ESRRB: variants seen among roughly 807,000 people sequenced by gnomAD.
ESRRB encodes steroid hormone receptor ERR2.
In ESRRB, 16 loss-of-function variants were observed where a neutral mutation model predicts 46.0. The observed-to-expected ratio is 0.35, with a 90% CI of 0.24 to 0.53. The LOEUF (loss-of-function observed/expected upper bound fraction) is 0.53, where lower values mean the gene tolerates loss of function less well. Among genes scored for constraint, ESRRB ranks in the 20% least tolerant of loss-of-function variants. The pLI, the probability that ESRRB is intolerant of heterozygous loss-of-function variation, is 0.93. For missense variants in ESRRB, 488 were observed against 607.4 expected (o/e 0.80, Z 2.07); for synonymous variants, 246 against 259.6 (o/e 0.95, Z 0.50).
intron 1 of ESRRB, among the ~76,000 whole-genome samples, chr14:76,425,338 G>GCCTCCTGAACTAGGGATCTC (rs1273640528): frequency 2.6e-5 from 4 of 151,984 alleles, no homozygotes; most frequent in African/African-American, 9.7e-5. Context: ...GTAAATATTT[G>GCCTCCTGAACTAGGGATCTC]CCTCCTGAAC....
chr14:76,498,124 C>A, intron 6 of ESRRB, 90 bp from the exon 7 acceptor site: 1 of 1,496,122 alleles, frequency 6.7e-7, no homozygotes, highest in Non-Finnish European at 9.3e-7. Context: ...CCCTGCCTGC[C>A]TCCATGCTGC....
intron 1 of ESRRB, among the ~76,000 whole-genome samples, chr14:76,340,004 C>G (rs986635657): frequency 6.6e-6 from 1 of 151,982 alleles, no homozygotes; most frequent in Non-Finnish European, 1.5e-5. Context: ...TAGACACGTC[C>G]GAGAGGGCAG....
chr14:76,422,440 T>C (rs1887008301), intron 1 of ESRRB, among the ~76,000 whole-genome samples: 1 of 152,026 alleles, frequency 6.6e-6, no homozygotes, highest in Non-Finnish European at 1.5e-5. Flanking sequence ...CTCGATCTCC[T>C]GACCTCATGA....
chr14:76,489,445 C>CCCCACACACACA (rs1555344592), intron 5 of ESRRB, among the ~76,000 whole-genome samples: 6 of 129,598 alleles, frequency 4.6e-5, no homozygotes, highest in African/African-American at 1.5e-4. Flanking sequence ...ATCTGGACAA[C>CCCCACACACACA]CACACACACA....
chr14:76,466,272 C>T (rs1293522676), intron 3 of ESRRB, among the ~76,000 whole-genome samples: 1 of 152,144 alleles, frequency 6.6e-6, no homozygotes, highest in Non-Finnish European at 1.5e-5. Flanking sequence ...CACGTCTGAA[C>T]ACCACCCTCC....
At chr14:76,392,861 A>C (rs1595074047) in intron 1 of ESRRB, among the ~76,000 whole-genome samples, 1 of 152,118 alleles carries the variant, frequency 6.6e-6, no homozygotes, top group Admixed American at 6.5e-5. Flanking sequence ...GGGCAGGCCC[A>C]CCTCCTTGCT....
chr14:76,498,543 C>G lies in ESRRB; in HGVS notation c.*85C>G, dbSNP rs1399131414. The G allele has an allele frequency of 6.2e-7, 1 of 1,605,422 alleles. No individual in the cohort carries two copies. Among genetic ancestry groups the G allele is most frequent in the African/African-American group, 1.3e-5 (1 of 74,678 alleles). ...AGACCTCCACAGCCACCAGCCTCCA[C>G]CTTCAACCCCTGTATCATGGCTCTG... is the stretch of plus-strand genomic sequence containing the variant. On this transcript the variant is annotated 3_prime_UTR_variant, in exon 7 of 7. Transcript: ENST00000644823.
chr14:76,499,066 T>C lies in ESRRB; in HGVS notation c.*608T>C. On this transcript the variant is annotated 3_prime_UTR_variant, in exon 7 of 7. Coordinates refer to ENST00000644823, the MANE Select transcript of ESRRB (RefSeq NM_001379180.1). ...GAGCAGCGGCTAGAGCTCAAGTGCT[T>C]CCTGGGCACCCCACCCCTCGGGGCC... 3.0e-6 allele frequency: 1 copy of C among 337,640 alleles called. No individual in the cohort carries two copies. Among genetic ancestry groups the C allele is most frequent in the Non-Finnish European group, 5.9e-6 (1 of 170,496 alleles). 20.9% of individuals were successfully genotyped at this position (337,640 alleles called of 1,614,324 possible).
At chr14:76,468,044 G>T (rs956968912) in intron 3 of ESRRB, among the ~76,000 whole-genome samples, 2 of 152,142 alleles carry the variant, frequency 1.3e-5, no homozygotes, top group Admixed American at 6.5e-5. Flanking sequence ...GAAGGTGGAG[G>T]GCTCCTCCGG....
Position 76,462,661 on chromosome 14 carries a change from G to C in ESRRB, c.577G>C (p.Gly193Arg). 6.2e-7 allele frequency: 1 copy of C among 1,609,164 alleles called. No individual in the cohort carries two copies. The highest frequency in any genetic ancestry group is 8.5e-7 in the Non-Finnish European group (1 of 1,175,610). Residue 193 changes from glycine to arginine, a missense_variant and splice_region_variant, in exon 3 of 7, where the codon GGT becomes CGT. Coordinates refer to ENST00000644823, the MANE Select transcript of ESRRB (RefSeq NM_001379180.1). Reference sequence around the variant, plus strand: ...CCTCAAAGTGGGGATGCTGAAGGAAGGTAAGAGACCCCACCGAGTCGGGGT... The same window carrying C: ...CCTCAAAGTGGGGATGCTGAAGGAACGTAAGAGACCCCACCGAGTCGGGGT... ...KCLKVGMLKE[G>R]VRLDRVRGGR...
intron 1 of ESRRB, among the ~76,000 whole-genome samples, chr14:76,312,589 G>A (rs1883751875): frequency 6.6e-6 from 1 of 151,188 alleles, no homozygotes; most frequent in Non-Finnish European, 1.5e-5. Flanking sequence ...AGACGGTGAA[G>A]TCTAAGAACT....
chr14:76,393,483 G>A (rs1218508535), intron 1 of ESRRB, among the ~76,000 whole-genome samples: 1 of 152,170 alleles, frequency 6.6e-6, no homozygotes, highest in Non-Finnish European at 1.5e-5. Flanking sequence ...TGTATTTTAT[G>A]TTAAAAATTT....
intron 5 of ESRRB, among the ~76,000 whole-genome samples, chr14:76,487,039 C>T (rs2140041402): frequency 6.6e-6 from 1 of 152,306 alleles, no homozygotes; most frequent in East Asian, 1.9e-4. Flanking sequence ...CCAAATTCCC[C>T]ATCCTAACCT....
Position 76,500,348 on chromosome 14 carries a change from CCGTTACCCAGGAT to C in ESRRB, c.*1891_*1903del. On this transcript the variant is annotated 3_prime_UTR_variant, in exon 7 of 7. Coordinates refer to ENST00000644823, the MANE Select transcript of ESRRB (RefSeq NM_001379180.1). ...GTCACTTGATGAGTAGGCACTGGAG[CCGTTACCCAGGAT>C]GCTGCGGCCCTAGCCCTCCATGCAG... 1.7e-6 allele frequency: 1 copy of C among 585,232 alleles called. No individual in the cohort carries two copies. The allele number at this position is 585,232 out of a possible 1,614,324, so 36.3% of individuals were successfully genotyped here.
At chr14:76,480,381 G>A (rs545315536) in intron 3 of ESRRB, among the ~76,000 whole-genome samples, 26 of 152,336 alleles carry the variant, frequency 1.7e-4, no homozygotes, top group Non-Finnish European at 3.5e-4. Context: ...GGCAGCAGAG[G>A]GGTGGGGGGT....
intron 1 of ESRRB, among the ~76,000 whole-genome samples, chr14:76,325,194 G>A (rs1208518233): frequency 1.3e-5 from 2 of 152,044 alleles, no homozygotes; most frequent in Non-Finnish European, 1.5e-5. Flanking sequence ...GACCTCAGGT[G>A]ATCCGCCCAC....
intron 1 of ESRRB, among the ~76,000 whole-genome samples, chr14:76,398,731 T>TGTGTGACAA (rs1262554011): frequency 2.0e-5 from 3 of 152,122 alleles, no homozygotes; most frequent in African/African-American, 7.2e-5. Context: ...GCTGATAGAA[T>TGTGTGACAA]CCTTGTGACA....
intron 1 of ESRRB, among the ~76,000 whole-genome samples, chr14:76,345,797 A>T (rs548704725): frequency 6.6e-6 from 1 of 152,212 alleles, no homozygotes; most frequent in African/African-American, 2.4e-5. Context: ...AGACCCAATT[A>T]ATAAAGCCAA....
chr14:76,354,067 C>T (rs1207506984), intron 1 of ESRRB, among the ~76,000 whole-genome samples: 1 of 152,200 alleles, frequency 6.6e-6, no homozygotes, highest in East Asian at 1.9e-4. Flanking sequence ...CTGGGTCCTG[C>T]TGCCTCCCTG....
Sources: allele counts gnomAD v4.1 joint callset (sites outside exome capture counted in the v4.1 genomes callset), GRCh38; gene constraint gnomAD v4.1.1; transcripts MANE v1.5; gene names NCBI Gene and HGNC (gene_info 2026-07-23, HGNC 2026-07-21).